TBL1XR1: variants seen among roughly 807,000 people sequenced by gnomAD.
TBL1XR1 encodes F-box-like/WD repeat-containing protein TBL1XR1.
Under a neutral mutation model 66.9 loss-of-function variants are expected in TBL1XR1, and 5 were observed. The observed-to-expected ratio is 0.07, with a 90% CI of 0.04 to 0.16. TBL1XR1 has a LOEUF of 0.16. Among genes scored for constraint, TBL1XR1 ranks in the 10% least tolerant of loss-of-function variants. The pLI, the probability that TBL1XR1 is intolerant of heterozygous loss-of-function variation, is 1.00. For missense variants in TBL1XR1, 238 were observed against 623.2 expected (o/e 0.38, Z 6.58); for synonymous variants, 210 against 206.0 (o/e 1.02, Z -0.17).
At chr3:177,161,945 G>A (rs989187048) in intron 1 of TBL1XR1, among the ~76,000 whole-genome samples, 1 of 152,056 alleles carries the variant, frequency 6.6e-6, no homozygotes, top group Non-Finnish European at 1.5e-5. Flanking sequence ...AACTAAAAAA[G>A]AACTAAAAAT....
intron 1 of TBL1XR1, among the ~76,000 whole-genome samples, chr3:177,195,012 G>A (rs1289268366): frequency 2.0e-5 from 3 of 152,042 alleles, no homozygotes; most frequent in Non-Finnish European, 4.4e-5. Flanking sequence ...CCATTAACAT[G>A]TCACTTTATT....
chr3:177,137,973 G>A (rs1729190287), intron 1 of TBL1XR1, among the ~76,000 whole-genome samples: 1 of 152,112 alleles, frequency 6.6e-6, no homozygotes, highest in African/African-American at 2.4e-5. Flanking sequence ...CTGTCTCAAA[G>A]ATAAAATGAA....
At chr3:177,077,643 A>G (rs1720856405) in intron 2 of TBL1XR1, among the ~76,000 whole-genome samples, 1 of 152,088 alleles carries the variant, frequency 6.6e-6, no homozygotes, top group African/African-American at 2.4e-5. Context: ...TATGCACTTT[A>G]CTCTTCAAGT....
At chr3:177,132,385 G>A (rs1330314049) in intron 1 of TBL1XR1, among the ~76,000 whole-genome samples, 1 of 152,176 alleles carries the variant, frequency 6.6e-6, no homozygotes, top group Admixed American at 6.5e-5. Context: ...ACTGATGGGA[G>A]GCACCCTTTG....
intron 1 of TBL1XR1, among the ~76,000 whole-genome samples, chr3:177,112,380 T>G (rs1725760368): frequency 6.6e-6 from 1 of 151,608 alleles, no homozygotes; most frequent in Non-Finnish European, 1.5e-5. Flanking sequence ...AGTGCTGGGA[T>G]TACAGGCACG....
intron 1 of TBL1XR1, among the ~76,000 whole-genome samples, chr3:177,187,034 G>T (rs1261312165): frequency 6.6e-6 from 1 of 152,114 alleles, no homozygotes; most frequent in African/African-American, 2.4e-5. Flanking sequence ...GGGCGTGGTG[G>T]CGGGCCCCTG....
chr3:177,161,994 C>A (rs1456433056), intron 1 of TBL1XR1, among the ~76,000 whole-genome samples: 13 of 152,244 alleles, frequency 8.5e-5, no homozygotes, highest in Non-Finnish European at 1.6e-4. Context: ...CTAGAACTTA[C>A]AAACACTGCT....
chr3:177,196,191 TTTAAGA>T (rs1272317571), intron 1 of TBL1XR1: 4 of 152,158 alleles, frequency 2.6e-5, no homozygotes, highest in East Asian at 3.8e-4. Context: ...CGAGCTGCCA[TTTAAGA>T]TTAATATTCC....
At chr3:177,086,816 AACT>A (rs1182719553) in intron 2 of TBL1XR1, 3 of 151,858 alleles carry the variant, frequency 2.0e-5, no homozygotes, top group Non-Finnish European at 4.4e-5. Flanking sequence ...CCAAAAACCT[AACT>A]ACTAACAACC....
intron 1 of TBL1XR1, among the ~76,000 whole-genome samples, chr3:177,189,752 T>TTACTGAAG (rs1405257955): frequency 2.0e-5 from 3 of 151,946 alleles, no homozygotes; most frequent in African/African-American, 7.3e-5. Context: ...CCATAAAAAT[T>TTACTGAAG]TACTGAAGGG....
At chr3:177,172,260 T>TTAA (rs1733613465) in intron 1 of TBL1XR1, among the ~76,000 whole-genome samples, 1 of 24,806 alleles carries the variant, frequency 4.0e-5, no homozygotes, top group Non-Finnish European at 9.0e-5. Flanking sequence ...AACTCCCACC[T>TTAA]CAAAAAAAAA....
chr3:177,160,643 C>T (rs904181447), intron 1 of TBL1XR1, among the ~76,000 whole-genome samples: 4 of 151,854 alleles, frequency 2.6e-5, no homozygotes, highest in Admixed American at 6.6e-5. Context: ...TTCAAGCTCT[C>T]GATTATTTTT....
At chr3:177,149,738 G>GC (rs887542333) in intron 1 of TBL1XR1, among the ~76,000 whole-genome samples, 2 of 152,002 alleles carry the variant, frequency 1.3e-5, no homozygotes, top group African/African-American at 4.8e-5. Context: ...GGGACACAAC[G>GC]CGACTGTGAA....
intron 2 of TBL1XR1, among the ~76,000 whole-genome samples, chr3:177,096,331 T>TACACACACACACACACACACACACACAC (rs756833949): frequency 2.0e-5 from 2 of 100,758 alleles, no homozygotes; most frequent in East Asian, 6.6e-4. Flanking sequence ...CTAACATACA[T>TACACACACACACACACACACACACACAC]ACATACACAC....
intron 1 of TBL1XR1, among the ~76,000 whole-genome samples, chr3:177,141,757 AC>A: frequency 6.6e-6 from 1 of 152,338 alleles, no homozygotes. Context: ...ATACTTGTAC[AC>A]CCGTGTTCAC....
rs1553866790 is a variant in TBL1XR1 at position 177,181,836 on chromosome 3, A to AAC, written c.-122+15283_-122+15284dup. Among the ~76,000 whole-genome samples the AAC allele has an allele frequency of 4.6e-3, 689 of 149,520 alleles. 2 individuals carry two copies. Among genetic ancestry groups the AAC allele is most frequent in the Non-Finnish European group, 6.5e-3 (440 of 67,260 alleles). ...GTTCAAGTTAGGAAAAAAAAAAAAA[A>AAC]ACACACACATGATGAAGGGTCTAAA... On this transcript the variant is annotated intron_variant, in intron 1 of 15. Transcript: ENST00000457928.
chr3:177,157,652 T>C (rs142150659), intron 1 of TBL1XR1, among the ~76,000 whole-genome samples: 39 of 152,260 alleles, frequency 2.6e-4, no homozygotes, highest in African/African-American at 9.4e-4. Context: ...AATTAGAGTA[T>C]GGATGTCTTA....
chr3:177,187,954 T>C (rs1475923668), intron 1 of TBL1XR1, among the ~76,000 whole-genome samples: 1 of 142,244 alleles, frequency 7.0e-6, no homozygotes, highest in African/African-American at 2.7e-5. Context: ...TTTTTTTTTT[T>C]TTTTTTTTTT....
intron 1 of TBL1XR1, among the ~76,000 whole-genome samples, chr3:177,184,666 T>C (rs1735201211): frequency 6.6e-6 from 1 of 152,030 alleles, no homozygotes; most frequent in African/African-American, 2.4e-5. Flanking sequence ...CCAGGTATGG[T>C]GGCACATGCC....
Sources: gnomAD v4.1 joint callset for allele counts (sites outside exome capture counted in the v4.1 genomes callset) on GRCh38, gnomAD v4.1.1 for gene constraint, MANE v1.5 for transcripts, NCBI Gene and HGNC (gene_info 2026-07-23, HGNC 2026-07-21) for gene names.